Variants in UGT1A6 observed in about 807,000 individuals in gnomAD.
UGT1A6 encodes UDP glucuronosyltransferase family 1 member A6, also known as UDP-glucuronosyltransferase 1A6.
In UGT1A6, 32 loss-of-function variants were observed where a neutral mutation model predicts 44.4. That is an observed-to-expected ratio of 0.72 (90% confidence interval 0.54 to 0.97). UGT1A6 has a LOEUF of 0.97. UGT1A6 is among the 50% of genes least tolerant of loss of function. UGT1A6 has a pLI of 0.00. For synonymous variants in UGT1A6, 238 were observed against 248.5 expected (o/e 0.96, Z 0.40); for missense variants, 685 against 661.9 (o/e 1.03, Z -0.38).
At chr2:233,714,903 G>C (rs139111844) in intron 1 of UGT1A6, among the ~76,000 whole-genome samples, 10 of 136,076 alleles carry the variant, frequency 7.3e-5, no homozygotes, top group African/African-American at 2.4e-4. Context: ...TTGAGATGGA[G>C]TCTTGCTCTG....
intron 1 of UGT1A6, among the ~76,000 whole-genome samples, chr2:233,709,702 T>A (rs2125616518): frequency 6.6e-6 from 1 of 152,356 alleles, no homozygotes; most frequent in East Asian, 1.9e-4. Context: ...AATTTTGTTC[T>A]TTTTTAATTG....
At chr2:233,715,540 G>A (rs552112034) in intron 1 of UGT1A6, among the ~76,000 whole-genome samples, 3 of 152,222 alleles carry the variant, frequency 2.0e-5, no homozygotes, top group South Asian at 4.2e-4. Flanking sequence ...GGGAGACCGA[G>A]GGAGGAGGAT....
chr2:233,752,595 T>A (rs1013400964), intron 1 of UGT1A6: 3 of 152,218 alleles, frequency 2.0e-5, no homozygotes, highest in Non-Finnish European at 2.9e-5. Context: ...CTACAAGATT[T>A]TTTTTAAAAA....
At chr2:233,719,976 C>T (rs771566532) in intron 1 of UGT1A6, among the ~76,000 whole-genome samples, 2 of 152,122 alleles carry the variant, frequency 1.3e-5, no homozygotes, top group African/African-American at 2.4e-5. Flanking sequence ...TCCTTCAGCT[C>T]GGCAGGATCA....
chr2:233,729,271 C>A, intron 1 of UGT1A6: 1 of 1,614,166 alleles, frequency 6.2e-7, no homozygotes, highest in Non-Finnish European at 8.5e-7. Context: ...GGAGGTCTTG[C>A]GGGAGCTCCA....
At chr2:233,718,073 G>T in intron 1 of UGT1A6, 1 of 345,132 alleles carries the variant, frequency 2.9e-6, no homozygotes, top group South Asian at 2.3e-5. Flanking sequence ...GTCCTTGCTA[G>T]GGTTGTCTTG....
At chr2:233,718,197 C>CT (rs1159094218) in intron 1 of UGT1A6, among the ~76,000 whole-genome samples, 6 of 152,152 alleles carry the variant, frequency 3.9e-5, no homozygotes, top group East Asian at 1.9e-4. Flanking sequence ...CTCCCCGGAG[C>CT]TTTTTTTTAT....
In UGT1A6 at chr2:233,768,291, G is replaced by T; in HGVS notation, c.1153G>T (p.Val385Phe). The change falls in exon 4 of 5, where the codon GTT becomes TTT. Residue 385 changes from valine to phenylalanine, a missense_variant. Physicochemically the swap from Val to Phe is conservative, Grantham distance 50. Coordinates refer to ENST00000305139, the MANE Select transcript of UGT1A6 (RefSeq NM_001072.4). ...HGVYESICNG[V>F]PMVMMPLFGD... ...TGTTTATGAAAGCATATGCAATGGC[G>T]TTCCCATGGTGATGATGCCCTTGTT... is the stretch of plus-strand genomic sequence containing the variant. 1 of 1,614,148 alleles carries T rather than the reference G, an allele frequency of 6.2e-7. No homozygotes were observed. Among genetic ancestry groups the T allele is most frequent in the Non-Finnish European group, 8.5e-7 (1 of 1,180,032 alleles).
chr2:233,732,686 C>T (rs1472057155), intron 1 of UGT1A6, among the ~76,000 whole-genome samples: 1 of 151,722 alleles, frequency 6.6e-6, no homozygotes, highest in African/African-American at 2.4e-5. Flanking sequence ...GGTACCAGCA[C>T]CCATGCTGTT....
intron 1 of UGT1A6, among the ~76,000 whole-genome samples, chr2:233,711,075 T>C (rs1229421312): frequency 6.6e-6 from 1 of 152,254 alleles, no homozygotes; most frequent in Admixed American, 6.5e-5. Context: ...CTTATGCTGA[T>C]GGCTCCAAGT....
intron 1 of UGT1A6, among the ~76,000 whole-genome samples, chr2:233,695,373 C>T (rs1408042500): frequency 6.6e-6 from 1 of 151,854 alleles, no homozygotes; most frequent in Non-Finnish European, 1.5e-5. Flanking sequence ...GTCCGCCCAC[C>T]CCAGCCTCCC....
intron 1 of UGT1A6, chr2:233,729,609 G>C: frequency 6.2e-7 from 1 of 1,613,988 alleles, no homozygotes. Flanking sequence ...CGGCAGTGCT[G>C]GCTAAGTACC....
chr2:233,718,979 C>T (rs143900667), intron 1 of UGT1A6: 39 of 1,614,108 alleles, frequency 2.4e-5, no homozygotes, highest in Non-Finnish European at 3.2e-5. Flanking sequence ...AGCTCCATGC[C>T]AGAGGCCACC....
At chr2:233,763,150 C>G (rs1298092077) in intron 1 of UGT1A6, among the ~76,000 whole-genome samples, 1 of 152,214 alleles carries the variant, frequency 6.6e-6, no homozygotes, top group Non-Finnish European at 1.5e-5. Context: ...CCATAAAAGT[C>G]TAAGTGGTGA....
At position 233,767,864 on chromosome 2, in the gene UGT1A6, A is replaced by G. The variant is rs748591879; in HGVS notation, c.1009A>G (p.Thr337Ala). 51 of 1,614,144 alleles carry G rather than the reference A, an allele frequency of 3.2e-5. No individual in the cohort carries two copies. Among genetic ancestry groups the G allele is most frequent in the Non-Finnish European group, 3.9e-5 (46 of 1,180,042 alleles). Residue 337 changes from threonine (T) to alanine (A), a missense_variant, in exon 3 of 5, where the codon ACT (threonine) becomes GCT (alanine). Transcript: ENST00000305139. ...CCCCTCCCAGGTCCTGTGGCGGTAC[A>G]CTGGAACCCGACCATCGAATCTTGC... ...KIPQTVLWRYTGTRPSNLANN... is the reference protein window; with the variant it reads ...KIPQTVLWRYAGTRPSNLANN...
At chr2:233,768,004 T>C in intron 3 of UGT1A6, 68 bp downstream of exon 3, 1 of 1,614,092 alleles carries the variant, frequency 6.2e-7, no homozygotes, top group South Asian at 1.1e-5. Context: ...TAAGCACAGC[T>C]ATTCTAAAGG....
Position 233,729,398 on chromosome 2 carries a change from G to C in UGT1A6, c.861+35533G>C, listed in dbSNP as rs540607993. The C allele has an allele frequency of 2.5e-6, 4 of 1,613,536 alleles. No homozygotes were observed. The Admixed American group carries it at 5.0e-5, about 20-fold the overall frequency. ...TCGTGGACCCAGGATGAATTTGATCGCCATGTGCTGGGCCACACTCAACTG... is the reference window on the plus strand; with the variant it reads ...TCGTGGACCCAGGATGAATTTGATCCCCATGTGCTGGGCCACACTCAACTG... On this transcript the variant is annotated intron_variant, in intron 1 of 4. Transcript: ENST00000305139.
chr2:233,745,507 G>T (rs1198591343), intron 1 of UGT1A6, among the ~76,000 whole-genome samples: 14 of 151,594 alleles, frequency 9.2e-5, no homozygotes, highest in Non-Finnish European at 2.9e-5. Context: ...TTCCTATAGG[G>T]TATTAGGTCT....
At chr2:233,763,732 A>T (rs1272484781) in intron 1 of UGT1A6, among the ~76,000 whole-genome samples, 1 of 152,234 alleles carries the variant, frequency 6.6e-6, no homozygotes, top group East Asian at 1.9e-4. Context: ...ACAACCTGGC[A>T]TTGGCGTGTC....
Sources: gnomAD v4.1 joint callset for allele counts (sites outside exome capture counted in the v4.1 genomes callset) on GRCh38, gnomAD v4.1.1 for gene constraint, MANE v1.5 for transcripts, NCBI Gene and HGNC (gene_info 2026-07-23, HGNC 2026-07-21) for gene names.